The following C19orf38 variants were observed in gnomAD, a reference collection of about 807,000 sequenced individuals.
C19orf38 encodes chromosome 19 open reading frame 38, also known as protein HIDE1.
C19orf38 carries 14 observed loss-of-function variants against 26.6 expected under a neutral mutation model. The ratio of observed to expected loss-of-function variants is 0.53; its 90% confidence interval spans 0.35 to 0.82. C19orf38 has a LOEUF of 0.82. Among genes scored for constraint, C19orf38 ranks in the 40% least tolerant of loss-of-function variants. The pLI is 0.01. For missense variants in C19orf38, 261 were observed against 299.5 expected (o/e 0.87, Z 0.95); for synonymous variants, 132 against 128.5 (o/e 1.03, Z -0.18).
At chr19:10,846,373 A>T (rs976841836), upstream of C19orf38, among the ~76,000 whole-genome samples, 50 of 150,632 alleles carry the variant, frequency 3.3e-4, no homozygotes, top group Middle Eastern at 3.4e-3. Flanking sequence ...ATTAAAAAAA[A>T]TTTTTTTTTA....
At chr19:10,866,092 G>A (rs1173176632) in intron 6 of C19orf38, among the ~76,000 whole-genome samples, 2 of 151,704 alleles carry the variant, frequency 1.3e-5, no homozygotes, top group South Asian at 2.1e-4. Flanking sequence ...CTGGAGTAAA[G>A]GGATGTCATG....
chr19:10,860,506 G>A (rs1401010853), intron 5 of C19orf38, among the ~76,000 whole-genome samples: 1 of 125,432 alleles, frequency 8.0e-6, no homozygotes, highest in Non-Finnish European at 1.6e-5. Context: ...CTGCACTCTA[G>A]CCTGGGCAAC....
At position 10,852,330 on chromosome 19, in the gene C19orf38, C is replaced by A. The variant is rs141401461; in HGVS notation, c.340+1763C>A. Among the ~76,000 whole-genome samples, 313 of 152,232 alleles carry A rather than the reference C, an allele frequency of 2.1e-3. 5 individuals carry two copies. In the East Asian group the frequency reaches 0.031, roughly 15 times the overall value. On this transcript the variant is annotated intron_variant, in intron 2 of 6. Coordinates refer to ENST00000397820, the MANE Select transcript of C19orf38 (RefSeq NM_001136482.3). ...AACTGTCTTTGGGCTTGCCCAAAGACATTCCAGGCTGACATTCCAGGCGGA... is the reference window on the plus strand; with the variant it reads ...AACTGTCTTTGGGCTTGCCCAAAGAAATTCCAGGCTGACATTCCAGGCGGA...
upstream of C19orf38, among the ~76,000 whole-genome samples, chr19:10,843,907 G>T (rs2073496517): frequency 6.6e-6 from 1 of 152,140 alleles, no homozygotes; most frequent in Non-Finnish European, 1.5e-5. Context: ...GAGGTCAGGA[G>T]TTCAAAACCA....
At chr19:10,846,331 G>A (rs1170206417), upstream of C19orf38, among the ~76,000 whole-genome samples, 2 of 151,520 alleles carry the variant, frequency 1.3e-5, no homozygotes, top group Non-Finnish European at 2.9e-5. Context: ...CGAGTAGCTG[G>A]GACTACAGGC....
rs2073537011 is a variant in C19orf38, at chr19:10,848,530, T to C, written c.22T>C (p.Phe8Leu). 1 of 1,551,476 alleles carries C rather than the reference T, an allele frequency of 6.4e-7. No homozygotes were observed. The highest frequency in any genetic ancestry group is 8.7e-7 in the Non-Finnish European group (1 of 1,146,876). The change falls in exon 1 of 7, where the codon TTT becomes CTT. Residue 8 changes from phenylalanine (F) to leucine (L), a missense_variant. Phe to Leu is a conservative substitution (Grantham distance 22). Transcript: ENST00000397820. ...AGAGATGCCCTGGACCATCTTGCTC[T>C]TTGCAGCTGGTGAGTCTGAAGCCCC... MPWTILL[F>L]AAGSLAIPAP...
intron 1 of C19orf38, among the ~76,000 whole-genome samples, chr19:10,840,173 T>A (rs1176744325): frequency 6.6e-6 from 1 of 151,892 alleles, no homozygotes; most frequent in Non-Finnish European, 1.5e-5. Context: ...GTGGAATTGC[T>A]GGATCCTATG....
At chr19:10,848,397 C>G, upstream of C19orf38, 1 of 1,198,538 alleles carries the variant, frequency 8.3e-7, no homozygotes. Flanking sequence ...ACTCTCAGCT[C>G]GAGAATCAGC....
At chr19:10,851,996 A>G (rs2073578269) in intron 2 of C19orf38, among the ~76,000 whole-genome samples, 2 of 148,886 alleles carry the variant, frequency 1.3e-5, no homozygotes, top group Admixed American at 1.3e-4. Context: ...AAAAAAAAAT[A>G]CAAAAAATAG....
intron 3 of C19orf38, among the ~76,000 whole-genome samples, chr19:10,856,948 C>T (rs2073632006): frequency 6.6e-6 from 1 of 151,930 alleles, no homozygotes; most frequent in Non-Finnish European, 1.5e-5. Flanking sequence ...AGGTGCGTGC[C>T]ACCACATGCA....
intron 4 of C19orf38, among the ~76,000 whole-genome samples, chr19:10,859,374 ATATATATATATT>A (rs546727633): frequency 0.012 from 489 of 39,952 alleles, 24 homozygotes; most frequent in South Asian, 0.12. Flanking sequence ...ATATATATAT[ATATATATATATT>A]TTTTTTTTTT....
At chr19:10,863,977 G>A (rs2073727924) in intron 6 of C19orf38, among the ~76,000 whole-genome samples, 1 of 152,110 alleles carries the variant, frequency 6.6e-6, no homozygotes. Flanking sequence ...ATGTAGCTGT[G>A]CAGAGAGTCC....
intron 3 of C19orf38, 131 bp downstream of exon 3, chr19:10,856,488 A>G (rs981008131): frequency 1.8e-6 from 1 of 545,120 alleles, no homozygotes; most frequent in African/African-American, 2.0e-5. Flanking sequence ...CCCCTTTTAA[A>G]AGTATTTATT....
chr19:10,839,056 C>T (rs907426660), intron 1 of C19orf38, among the ~76,000 whole-genome samples: 2 of 151,998 alleles, frequency 1.3e-5, no homozygotes, highest in African/African-American at 2.4e-5. Flanking sequence ...CAGGTGCCTG[C>T]CACCACGCCC....
chr19:10,864,758 T>C (rs958783203), intron 6 of C19orf38, among the ~76,000 whole-genome samples: 4 of 151,932 alleles, frequency 2.6e-5, no homozygotes, highest in Non-Finnish European at 5.9e-5. Flanking sequence ...AGGGGAGATA[T>C]AGGGGAGAGA....
intron 6 of C19orf38, among the ~76,000 whole-genome samples, chr19:10,867,511 G>A (rs1293728758): frequency 1.3e-5 from 2 of 150,464 alleles, no homozygotes; most frequent in African/African-American, 4.9e-5. Flanking sequence ...CCAGCTACTC[G>A]GGAGGCTTAG....
chr19:10,840,221 T>G (rs953724836), intron 1 of C19orf38, among the ~76,000 whole-genome samples: 2 of 152,228 alleles, frequency 1.3e-5, no homozygotes, highest in African/African-American at 4.8e-5. Flanking sequence ...ACAACCAAAG[T>G]GTTTTCCACA....
intron 2 of C19orf38, among the ~76,000 whole-genome samples, chr19:10,852,850 G>A (rs1490056994): frequency 6.6e-6 from 1 of 151,960 alleles, no homozygotes; most frequent in Non-Finnish European, 1.5e-5. Flanking sequence ...TGAGGAGGCT[G>A]GACATGGGTT....
intron 2 of C19orf38, among the ~76,000 whole-genome samples, chr19:10,854,064 T>C (rs2073600791): frequency 6.6e-6 from 1 of 151,106 alleles, no homozygotes; most frequent in Non-Finnish European, 1.5e-5. Context: ...AAAAACTTTT[T>C]TTTTTTTTTA....
Sources: gnomAD v4.1 joint callset for allele counts (sites outside exome capture counted in the v4.1 genomes callset) on GRCh38, gnomAD v4.1.1 for gene constraint, MANE v1.5 for transcripts, NCBI Gene and HGNC (gene_info 2026-07-23, HGNC 2026-07-21) for gene names.